SLC30A5: variants seen among roughly 807,000 people sequenced by gnomAD.
SLC30A5 encodes the protein solute carrier family 30 member 5.
A neutral mutation model predicts 79.6 loss-of-function variants in SLC30A5; 33 were observed. The observed-to-expected ratio is 0.41, with a 90% CI of 0.31 to 0.55. The LOEUF (loss-of-function observed/expected upper bound fraction) is 0.55. Ranked by LOEUF, SLC30A5 falls within the 20% of genes least tolerant of loss-of-function variation. SLC30A5 has a pLI of 0.20. For synonymous variants in SLC30A5, 299 were observed against 319.7 expected, an observed-to-expected ratio of 0.94 and a Z score of 0.69; for missense variants, 788 against 928.1, an observed-to-expected ratio of 0.85 and a Z score of 1.96.
At chr5:69,124,751 G>T (rs1038733857) in intron 14 of SLC30A5, among the ~76,000 whole-genome samples, 1 of 152,218 alleles carries the variant, frequency 6.6e-6, no homozygotes, top group Non-Finnish European at 1.5e-5. Context: ...TTGTATTTTA[G>T]TAGAGATGGG....
At chr5:69,125,763 TGGGAGG>T (rs1746664250) in intron 14 of SLC30A5, among the ~76,000 whole-genome samples, 4 of 52,142 alleles carry the variant, frequency 7.7e-5, no homozygotes. Flanking sequence ...GGCATGAACC[TGGGAGG>T]CGGAGCTTGC....
chr5:69,117,545 G>T, intron 11 of SLC30A5, 149 bp downstream of exon 11: 1 of 711,868 alleles, frequency 1.4e-6, no homozygotes, highest in Non-Finnish European at 2.2e-6. Context: ...ATGTGAATCG[G>T]GCATTTGATA....
intron 5 of SLC30A5, among the ~76,000 whole-genome samples, chr5:69,110,711 A>G (rs1400170231): frequency 6.6e-6 from 1 of 152,246 alleles, no homozygotes; most frequent in African/African-American, 2.4e-5. Context: ...AACTTAACGT[A>G]TAACAGAAAT....
Position 69,094,251 on chromosome 5 carries a change from C to G in SLC30A5, c.-5C>G. 1 of 1,242,078 alleles carries G rather than the reference C, an allele frequency of 8.1e-7. No homozygotes were observed. Among genetic ancestry groups the G allele is most frequent in the Non-Finnish European group, 1.0e-6 (1 of 979,174 alleles). 76.9% of individuals were successfully genotyped at this position (1,242,078 alleles called of 1,614,324 possible). ...GGGCAGCGGCGGCGGCTCGTGAGCC[C>G]CGGGATGGAGGAGAAATACGGCGGG... On this transcript the variant is annotated 5_prime_UTR_variant, in exon 1 of 16. Transcript: ENST00000396591.
intron 12 of SLC30A5, among the ~76,000 whole-genome samples, chr5:69,120,313 G>A (rs1012454557): frequency 6.6e-6 from 1 of 151,986 alleles, no homozygotes; most frequent in Admixed American, 6.6e-5. Flanking sequence ...GAACCTGGGA[G>A]GCAGAGGTTG....
At chr5:69,110,142 C>A (rs190500143) in intron 5 of SLC30A5, among the ~76,000 whole-genome samples, 377 of 152,238 alleles carry the variant, frequency 2.5e-3, no homozygotes, top group African/African-American at 8.8e-3. Context: ...TGTATCTACG[C>A]CTTAAGCTTT....
rs1292941920 is a variant in SLC30A5, at chr5:69,129,327, C to T, written c.2128-120C>T. 1.7e-4 allele frequency: 114 copies of T among 690,002 alleles called. 1 individual carries two copies. The Admixed American group carries it at 3.8e-3, about 23-fold the overall frequency. 42.7% of individuals were successfully genotyped at this position (690,002 alleles called of 1,614,324 possible). ...AAAAGTTTCAGATTTTAGAGCGTCT[C>T]AGATTTCGTATTTTCAGATTAAAGA... On this transcript the variant is annotated intron_variant, in intron 15 of 15. Transcript: ENST00000396591.
chr5:69,094,137 A>G lies in SLC30A5; in HGVS notation c.-119A>G, dbSNP rs1745645634. The G allele has an allele frequency of 2.0e-6, 1 of 496,008 alleles. No individual in the cohort carries two copies. The highest frequency in any genetic ancestry group is 2.0e-5 in the African/African-American group (1 of 49,946). The allele number at this position is 496,008 out of a possible 1,614,324, so 30.7% of individuals were successfully genotyped here. A position where few individuals can be genotyped will look rare whatever the true frequency, so the allele number is the denominator to read the frequency against. ...CGGCAGTGGCGGCCCGGCCTGCAGG[A>G]GCCCGACGGGGTCTCTGCCATGGGG... is the stretch of plus-strand genomic sequence containing the variant. On this transcript the variant is annotated 5_prime_UTR_variant, in exon 1 of 16. Coordinates refer to ENST00000396591, the MANE Select transcript of SLC30A5 (RefSeq NM_022902.5).
rs779848053 is a variant in SLC30A5 at position 69,113,250 on chromosome 5, A to G, written c.535+23A>G. On this transcript the variant is annotated intron_variant, in intron 6 of 15. Transcript: ENST00000396591. ...ACCGTATCCTTTTGGAATAGATCAG[A>G]GTTGTTTCAAGTCTTGAGGAAAACT... 4.4e-6 allele frequency: 7 copies of G among 1,579,060 alleles called. No homozygotes were observed. The South Asian group carries it at 6.9e-5, about 16-fold the overall frequency.
intron 5 of SLC30A5, among the ~76,000 whole-genome samples, chr5:69,109,459 A>C (rs542708606): frequency 1.3e-5 from 2 of 152,064 alleles, no homozygotes; most frequent in South Asian, 4.1e-4. Context: ...GTATGTATGC[A>C]TGTAGGTCTA....
At chr5:69,103,497 TCAGA>T (rs1003687672) in intron 3 of SLC30A5, among the ~76,000 whole-genome samples, 2 of 152,112 alleles carry the variant, frequency 1.3e-5, no homozygotes, top group African/African-American at 4.8e-5. Flanking sequence ...ATTTCTGGAG[TCAGA>T]CAAAGTCATG....
In SLC30A5 at chr5:69,128,098, C is replaced by A; in HGVS notation, c.2093C>A (p.Thr698Lys). ...GCAGGAACAATTCATATACAGGTGA[C>A]ATCTGATGTGCTAGAACAAAGAATA... ...IVAGTIHIQV[T>K]SDVLEQRIVQ... Residue 698 changes from threonine (T) to lysine (K), a missense_variant, in exon 15 of 16, where the codon ACA becomes AAA. Coordinates refer to ENST00000396591, the MANE Select transcript of SLC30A5 (RefSeq NM_022902.5). 1 of 1,612,038 alleles carries A rather than the reference C, an allele frequency of 6.2e-7. No individual in the cohort carries two copies. The highest frequency in any genetic ancestry group is 8.5e-7 in the Non-Finnish European group (1 of 1,178,912).
intron 14 of SLC30A5, among the ~76,000 whole-genome samples, chr5:69,123,910 G>A (rs1025265151): frequency 7.9e-5 from 12 of 151,888 alleles, no homozygotes; most frequent in African/African-American, 1.9e-4. Flanking sequence ...AGTTTAGATC[G>A]AGACCATCCT....
chr5:69,099,070 T>A, intron 1 of SLC30A5, among the ~76,000 whole-genome samples: 1 of 152,336 alleles, frequency 6.6e-6, no homozygotes, highest in East Asian at 1.9e-4. Context: ...ATTTGATTGA[T>A]TCTGCAATAA....
intron 5 of SLC30A5, among the ~76,000 whole-genome samples, chr5:69,110,249 A>G (rs997526543): frequency 1.1e-4 from 17 of 152,102 alleles, no homozygotes; most frequent in African/African-American, 4.1e-4. Flanking sequence ...TTCTATTCCT[A>G]TAATTTCTCC....
intron 10 of SLC30A5, 21 bp from the exon 11 acceptor site, chr5:69,117,218 T>G: frequency 6.2e-7 from 1 of 1,606,504 alleles, no homozygotes; most frequent in Non-Finnish European, 8.5e-7. Flanking sequence ...CTCCTCCCTT[T>G]TTTTTTGGTG....
At chr5:69,096,944 T>A (rs1745749594) in intron 1 of SLC30A5, among the ~76,000 whole-genome samples, 2 of 150,722 alleles carry the variant, frequency 1.3e-5, no homozygotes, top group Admixed American at 6.6e-5. Flanking sequence ...TGGGTGACAG[T>A]GCAAAACCCT....
intron 12 of SLC30A5, among the ~76,000 whole-genome samples, 173 bp downstream of exon 12, chr5:69,118,801 CTTTT>C (rs35781175): frequency 4.1e-5 from 4 of 97,300 alleles, no homozygotes; most frequent in Admixed American, 1.2e-4. Context: ...TAGAAATTCT[CTTTT>C]TTTTTTTTTT....
chr5:69,125,870 C>CAAAAAAAAAAAAAAAAACAAAAAAAAAA (rs1746670933), intron 14 of SLC30A5, among the ~76,000 whole-genome samples: 1 of 54,232 alleles, frequency 1.8e-5, no homozygotes, highest in East Asian at 6.2e-4. Flanking sequence ...GACTCCGTCT[C>CAAAAAAAAAAAAAAAAACAAAAAAAAAA]AAAAAAAAAA....
Sources: gnomAD v4.1 joint callset for allele counts (sites outside exome capture counted in the v4.1 genomes callset) on GRCh38, gnomAD v4.1.1 for gene constraint, MANE v1.5 for transcripts, NCBI Gene and HGNC (gene_info 2026-07-23, HGNC 2026-07-21) for gene names.